Variants in OXCT1 observed in about 807,000 individuals in gnomAD.
OXCT1 encodes the protein 3-oxoacid CoA-transferase 1.
Under a neutral mutation model 69.6 loss-of-function variants are expected in OXCT1, and 27 were observed. The ratio of observed to expected loss-of-function variants is 0.39; its 90% CI spans 0.29 to 0.54. The LOEUF (loss-of-function observed/expected upper bound fraction) is 0.54, where lower values mean the gene tolerates loss of function less well. Ranked by LOEUF, OXCT1 falls within the 20% of genes least tolerant of loss-of-function variation. The pLI is 0.72. For missense variants in OXCT1, 437 were observed against 650.2 expected, an observed-to-expected ratio of 0.67 and a Z score of 3.57; for synonymous variants, 202 against 217.8, an observed-to-expected ratio of 0.93 and a Z score of 0.64.
chr5:41,757,260 C>T (rs1018075666), intron 14 of OXCT1, among the ~76,000 whole-genome samples: 2 of 152,022 alleles, frequency 1.3e-5, no homozygotes, highest in African/African-American at 4.8e-5. Flanking sequence ...ATGCACCATC[C>T]TCCCACACAC....
intron 4 of OXCT1, among the ~76,000 whole-genome samples, chr5:41,852,723 C>A (rs1445373563): frequency 1.3e-5 from 2 of 152,170 alleles, no homozygotes; most frequent in East Asian, 1.9e-4. Context: ...CTTTCAAGGG[C>A]TTCACTCTGA....
At chr5:41,834,907 T>C (rs1419393805) in intron 7 of OXCT1, among the ~76,000 whole-genome samples, 1 of 151,626 alleles carries the variant, frequency 6.6e-6, no homozygotes, top group Admixed American at 6.6e-5. Flanking sequence ...GAAAAAGAAA[T>C]AACCTAATGA....
intron 7 of OXCT1, among the ~76,000 whole-genome samples, chr5:41,838,853 T>C (rs1043016652): frequency 6.6e-6 from 1 of 152,298 alleles, no homozygotes; most frequent in East Asian, 1.9e-4. Flanking sequence ...GCGATCCACC[T>C]GCCTCAGCCT....
intron 14 of OXCT1, among the ~76,000 whole-genome samples, chr5:41,756,106 T>A (rs1579667472): frequency 6.6e-6 from 1 of 152,222 alleles, no homozygotes; most frequent in African/African-American, 2.4e-5. Flanking sequence ...CTCAACTTCA[T>A]AACAATTATT....
chr5:41,772,539 G>A (rs369907520), intron 13 of OXCT1, among the ~76,000 whole-genome samples: 1 of 152,044 alleles, frequency 6.6e-6, no homozygotes, highest in African/African-American at 2.4e-5. Flanking sequence ...ATAAATGTAC[G>A]TGCCCTATTA....
At chr5:41,832,664 A>G (rs901252487) in intron 7 of OXCT1, among the ~76,000 whole-genome samples, 1 of 152,108 alleles carries the variant, frequency 6.6e-6, no homozygotes, top group Non-Finnish European at 1.5e-5. Flanking sequence ...CTCACCAAAC[A>G]AAATAAGGCA....
intron 16 of OXCT1, among the ~76,000 whole-genome samples, chr5:41,735,246 T>C (rs4957418): frequency 0.014 from 2,180 of 152,186 alleles, 101 homozygotes; most frequent in South Asian, 0.079. Flanking sequence ...ATATGCACAA[T>C]GAAATATTAT....
In OXCT1 at chr5:41,799,103, G is replaced by C. The variant is rs910119542; in HGVS notation, c.1099+1919C>G. Among the ~76,000 whole-genome samples the C allele has an allele frequency of 5.3e-5, 8 of 152,212 alleles. No homozygotes were observed. In the East Asian group the frequency reaches 1.5e-3, roughly 29 times the overall value. The stretch of plus-strand genomic sequence containing the variant: ...AACCTTATGAGACTTTTTTAAAAGA[G>C]ATCCTTGGAAATAGTTATATTATTA... On this transcript the variant is annotated intron_variant, in intron 11 of 16. Coordinates refer to ENST00000196371, the MANE Select transcript of OXCT1 (RefSeq NM_000436.4).
At chr5:41,825,563 T>G (rs1298636524) in intron 7 of OXCT1, among the ~76,000 whole-genome samples, 2 of 152,242 alleles carry the variant, frequency 1.3e-5, no homozygotes, top group Non-Finnish European at 2.9e-5. Flanking sequence ...ATAACTTACA[T>G]TTTGGACCTT....
chr5:41,735,056 T>C (rs1742818033), intron 16 of OXCT1, among the ~76,000 whole-genome samples: 1 of 152,102 alleles, frequency 6.6e-6, no homozygotes, highest in Non-Finnish European at 1.5e-5. Flanking sequence ...AAATTAAAAA[T>C]AGAATTATCA....
Position 41,862,831 on chromosome 5 carries a change from T to A in OXCT1, c.79-81A>T, listed in dbSNP as rs549464385. 9.5e-5 allele frequency: 77 copies of A among 809,116 alleles called. No homozygotes were observed. The African/African-American group carries it at 1.3e-3, about 13-fold the overall frequency. 50.1% of individuals were successfully genotyped at this position (809,116 alleles called of 1,614,324 possible). ...TGTGTGTAGCAATTTATTCAATTGATAGACAAATGATAATTTCATTATCTC... is the reference window on the plus strand; with the variant it reads ...TGTGTGTAGCAATTTATTCAATTGAAAGACAAATGATAATTTCATTATCTC... On this transcript the variant is annotated intron_variant, in intron 1 of 16. Transcript: ENST00000196371.
At chr5:41,852,068 C>T (rs1369526432) in intron 4 of OXCT1, among the ~76,000 whole-genome samples, 4 of 152,286 alleles carry the variant, frequency 2.6e-5, no homozygotes, top group Admixed American at 2.6e-4. Flanking sequence ...ATGCAAGAAC[C>T]GTGAGAAGTC....
intron 11 of OXCT1, among the ~76,000 whole-genome samples, chr5:41,800,387 T>G (rs141602821): frequency 6.6e-6 from 1 of 151,812 alleles, no homozygotes; most frequent in Non-Finnish European, 1.5e-5. Context: ...ATCTTTTCTT[T>G]TTGCTGCTAT....
At chr5:41,776,741 A>C (rs369786845) in intron 13 of OXCT1, among the ~76,000 whole-genome samples, 3 of 152,358 alleles carry the variant, frequency 2.0e-5, no homozygotes, top group African/African-American at 4.8e-5. Context: ...AAATAAGATA[A>C]ATCTAAGAAC....
intron 1 of OXCT1, among the ~76,000 whole-genome samples, chr5:41,866,360 T>G (rs976789245): frequency 6.6e-6 from 1 of 152,234 alleles, no homozygotes; most frequent in Non-Finnish European, 1.5e-5. Context: ...AGGCCTTAGC[T>G]TTAAGATTAC....
chr5:41,836,244 T>C (rs559768141), intron 7 of OXCT1, among the ~76,000 whole-genome samples: 25 of 152,298 alleles, frequency 1.6e-4, no homozygotes, highest in African/African-American at 6.0e-4. Context: ...AATAACACTG[T>C]CTGGACTGAA....
chr5:41,737,591 C>A (rs1579626777), intron 16 of OXCT1, among the ~76,000 whole-genome samples: 1 of 152,078 alleles, frequency 6.6e-6, no homozygotes, highest in Admixed American at 6.5e-5. Flanking sequence ...ATATCCTTCC[C>A]CTTGAGGTTA....
intron 7 of OXCT1, among the ~76,000 whole-genome samples, chr5:41,827,899 G>T (rs1307838509): frequency 1.3e-5 from 2 of 152,146 alleles, no homozygotes; most frequent in Admixed American, 1.3e-4. Context: ...CTCCTAAGGT[G>T]CTGATGATAC....
chr5:41,834,367 G>C (rs1327767809), intron 7 of OXCT1, among the ~76,000 whole-genome samples: 1 of 150,904 alleles, frequency 6.6e-6, no homozygotes, highest in Non-Finnish European at 1.5e-5. Flanking sequence ...TAGCTGAATG[G>C]ATGAAAAAAG....
Sources: allele counts gnomAD v4.1 joint callset (sites outside exome capture counted in the v4.1 genomes callset), GRCh38; gene constraint gnomAD v4.1.1; transcripts MANE v1.5; gene names NCBI Gene and HGNC (gene_info 2026-07-23, HGNC 2026-07-21).